The following TULP3 variants were observed in gnomAD, a reference collection of about 807,000 sequenced individuals.
TULP3 encodes the protein TUB like protein 3.
A neutral mutation model predicts 50.7 loss-of-function variants in TULP3; 38 were observed. The observed-to-expected ratio is 0.75, with a 90% confidence interval of 0.58 to 0.98. The LOEUF is 0.98. Among genes scored for constraint, TULP3 ranks in the 50% least tolerant of loss-of-function variants. The pLI is 0.00. For synonymous variants in TULP3, 183 were observed against 196.6 expected, an observed-to-expected ratio of 0.93 and a Z score of 0.58; for missense variants, 550 against 568.0, an observed-to-expected ratio of 0.97 and a Z score of 0.32.
chr12:2,892,560 G>A (rs905476168), intron 1 of TULP3, among the ~76,000 whole-genome samples: 3 of 151,988 alleles, frequency 2.0e-5, no homozygotes, highest in Non-Finnish European at 4.4e-5. Flanking sequence ...TCGCCAGGCG[G>A]TAGTGCAGTG....
intron 3 of TULP3, among the ~76,000 whole-genome samples, chr12:2,921,133 AG>A (rs1198138195): frequency 3.3e-5 from 5 of 152,120 alleles, no homozygotes; most frequent in African/African-American, 1.2e-4. Context: ...CGTCCATTTT[AG>A]AACTGTTGTT....
intron 1 of TULP3, among the ~76,000 whole-genome samples, chr12:2,904,926 G>A (rs982406856): frequency 7.2e-5 from 11 of 151,822 alleles, no homozygotes; most frequent in South Asian, 6.2e-4. Context: ...CCAACATGGC[G>A]AAACCCCGTC....
At chr12:2,911,504 C>T (rs1565500459) in intron 2 of TULP3, among the ~76,000 whole-genome samples, 1 of 149,684 alleles carries the variant, frequency 6.7e-6, no homozygotes, top group Non-Finnish European at 1.5e-5. Context: ...AGGCGCCTGC[C>T]ACCACGCCAG....
intron 2 of TULP3, among the ~76,000 whole-genome samples, chr12:2,918,715 T>A (rs2098190105): frequency 6.6e-6 from 1 of 151,442 alleles, no homozygotes; most frequent in Non-Finnish European, 1.5e-5. Context: ...AATTTTTGTG[T>A]TTTTAGTAGA....
rs371211844 is a variant in TULP3, at chr12:2,940,321, TAA to T, written c.*893_*894del. The stretch of plus-strand genomic sequence containing the variant: ...GGCAGTATTGACCATTTAGTTTAGT[TAA>T]AAAAAAAAAAAAAAAGGTGGCAGGA... On this transcript the variant is annotated 3_prime_UTR_variant, in exon 11 of 11. Transcript: ENST00000448120. 0.11 allele frequency: 131,337 copies of T among 1,239,236 alleles called. 1,141 individuals carry two copies. The highest frequency in any genetic ancestry group is 0.25 in the African/African-American group (15,750 of 62,082). The allele number at this position is 1,239,236 out of a possible 1,614,324, so 76.8% of individuals were successfully genotyped here. A position where few individuals can be genotyped will look rare whatever the true frequency, so the allele number is the denominator to read the frequency against.
At chr12:2,896,186 C>G (rs544804064) in intron 1 of TULP3, among the ~76,000 whole-genome samples, 83 of 152,230 alleles carry the variant, frequency 5.5e-4, no homozygotes, top group African/African-American at 2.0e-3. Context: ...GTGATCCACC[C>G]GCCTCTGCCT....
At position 2,930,248 on chromosome 12, in the gene TULP3, A is replaced by T. The variant is rs1302981132; in HGVS notation, c.395A>T (p.Asp132Val). 1.2e-6 allele frequency: 2 copies of T among 1,608,930 alleles called. No homozygotes were observed. The highest frequency in any genetic ancestry group is 1.1e-5 in the South Asian group (1 of 90,194). The change falls in exon 5 of 11, where the codon GAT (aspartate) becomes GTT (valine). Residue 132 changes from aspartate to valine, a missense_variant and splice_region_variant. Transcript: ENST00000448120. The stretch of plus-strand genomic sequence containing the variant: ...CTAACAGTTCTTCCTTTTCTGCTAG[A>T]TATCTCTGAAAGTGTGAACTTCGAT... ...PGLQERLQKH[D>V]ISESVNFDEE...
chr12:2,935,046 C>G (rs1459886448), intron 8 of TULP3, among the ~76,000 whole-genome samples: 1 of 152,086 alleles, frequency 6.6e-6, no homozygotes, highest in Non-Finnish European at 1.5e-5. Flanking sequence ...AACTATCTAG[C>G]TCGTTCTCTG....
chr12:2,909,637 A>T (rs1372531318), intron 2 of TULP3, 57 bp downstream of exon 2: 1 of 1,514,212 alleles, frequency 6.6e-7, no homozygotes, highest in African/African-American at 1.4e-5. Flanking sequence ...CGTGATGCTG[A>T]TGGTCTTGGC....
In TULP3 at chr12:2,934,511, G is replaced by A; in HGVS notation, c.874G>A (p.Gly292Ser). The A allele has an allele frequency of 1.9e-6, 3 of 1,604,970 alleles. No homozygotes were observed. The highest frequency in any genetic ancestry group is 2.6e-6 in the Non-Finnish European group (3 of 1,176,110). The change falls in exon 8 of 11, where the codon GGT becomes AGT. Residue 292 changes from glycine (G) to serine (S), a missense_variant. Transcript: ENST00000448120. ...DRGICPMKGR[G>S]LVGAAHTRQE... ...TGGCATCTGCCCCATGAAGGGCCGGGGTTTGGTAGGAGCGGCCCACACCCG... is the reference window on the plus strand; with the variant it reads ...TGGCATCTGCCCCATGAAGGGCCGGAGTTTGGTAGGAGCGGCCCACACCCG...
chr12:2,899,939 C>T (rs897812592), intron 1 of TULP3, among the ~76,000 whole-genome samples: 5 of 149,572 alleles, frequency 3.3e-5, no homozygotes, highest in Admixed American at 6.7e-5. Context: ...TTGGAGACGG[C>T]TGTGGTGGCT....
chr12:2,899,130 G>A (rs900458798), intron 1 of TULP3, among the ~76,000 whole-genome samples: 1 of 152,020 alleles, frequency 6.6e-6, no homozygotes, highest in African/African-American at 2.4e-5. Context: ...TGGGTCACCT[G>A]AGGTCAGGAG....
At chr12:2,894,128 G>T (rs958310234) in intron 1 of TULP3, among the ~76,000 whole-genome samples, 1 of 152,064 alleles carries the variant, frequency 6.6e-6, no homozygotes, top group Non-Finnish European at 1.5e-5. Context: ...AATTGAAGGC[G>T]TGCTTCCCAC....
intron 4 of TULP3, among the ~76,000 whole-genome samples, chr12:2,928,000 A>G (rs2098195642): frequency 6.6e-6 from 1 of 152,202 alleles, no homozygotes; most frequent in South Asian, 2.1e-4. Context: ...ACACACATTG[A>G]TCACACTTTA....
intron 2 of TULP3, among the ~76,000 whole-genome samples, chr12:2,913,874 G>T (rs2098187095): frequency 6.6e-6 from 1 of 152,154 alleles, no homozygotes. Context: ...CTCCCAAAGT[G>T]CTGGGATTAC....
rs397774608 is a variant in TULP3 at position 2,937,799 on chromosome 12, C to CCAAA, written c.1023+70_1023+71insCAAA. On this transcript the variant is annotated intron_variant, in intron 9 of 10. Transcript: ENST00000448120. Reference sequence around the variant, plus strand: ...GTAGTACAATACACAGAGATTAATACAAAAAAAAAAAAAAAGATTGAGCTT... The same window carrying CCAAA: ...GTAGTACAATACACAGAGATTAATACCAAAAAAAAAAAAAAAAAAGATTGAGCTT... The CCAAA allele has an allele frequency of 4.6e-5, 33 of 721,320 alleles. No individual in the cohort carries two copies. In the African/African-American group the frequency reaches 5.8e-4, roughly 13 times the overall value. The allele number at this position is 721,320 out of a possible 1,614,324, so 44.7% of individuals were successfully genotyped here. A position where few individuals can be genotyped will look rare whatever the true frequency, so the allele number is the denominator to read the frequency against.
intron 1 of TULP3, among the ~76,000 whole-genome samples, chr12:2,903,996 G>C (rs1464369848): frequency 6.6e-6 from 1 of 151,992 alleles, no homozygotes; most frequent in East Asian, 1.9e-4. Flanking sequence ...GTTGGCCGGG[G>C]TGGTCTTGAA....
At position 2,907,075 on chromosome 12, in the gene TULP3, C is replaced by T. The variant is rs368558178; in HGVS notation, c.42-2454C>T. On this transcript the variant is annotated intron_variant, in intron 1 of 10. Coordinates refer to ENST00000448120, the MANE Select transcript of TULP3 (RefSeq NM_003324.5). ...ATACACGGCCAGGTGCAGTGGCTCA[C>T]GCCTGTAATCCCAGCACTTTGGGAA... 9.9e-5 allele frequency among the ~76,000 whole-genome samples: 15 copies of T among 151,252 alleles called. No individual in the cohort carries two copies. In the South Asian group the frequency reaches 3.1e-3, roughly 32 times the overall value.
intron 7 of TULP3, 37 bp downstream of exon 7, chr12:2,933,567 G>T: frequency 7.6e-7 from 1 of 1,315,306 alleles, no homozygotes; most frequent in East Asian, 2.3e-5. Context: ...TATTCTTTCT[G>T]ATAGTCTTAT....
Sources: gnomAD v4.1 joint callset for allele counts (sites outside exome capture counted in the v4.1 genomes callset) on GRCh38, gnomAD v4.1.1 for gene constraint, MANE v1.5 for transcripts, NCBI Gene and HGNC (gene_info 2026-07-23, HGNC 2026-07-21) for gene names.